The following CMIP variants were observed in gnomAD, a reference collection of about 807,000 sequenced individuals.
CMIP encodes the protein C-Maf-inducing protein.
Under a neutral mutation model 97.3 loss-of-function variants are expected in CMIP, and 13 were observed. The observed-to-expected ratio is 0.13, with a 90% CI of 0.09 to 0.21. The LOEUF is 0.21. Ranked by LOEUF, CMIP falls within the 10% of genes least tolerant of loss-of-function variation. The pLI is 1.00. For missense variants in CMIP, 847 were observed against 1,024.9 expected (o/e 0.83, Z 2.37); for synonymous variants, 538 against 436.3 (o/e 1.23, Z -2.91).
chr16:81,646,757 CT>C (rs1205206002), intron 3 of CMIP, among the ~76,000 whole-genome samples: 2 of 152,148 alleles, frequency 1.3e-5, no homozygotes, highest in Non-Finnish European at 2.9e-5. Flanking sequence ...GCTTCTTTCC[CT>C]TAGTGTAGTG....
chr16:81,503,864 C>T (rs1009799091), intron 1 of CMIP, among the ~76,000 whole-genome samples: 1 of 152,262 alleles, frequency 6.6e-6, no homozygotes, highest in Middle Eastern at 3.2e-3. Flanking sequence ...ACGTCATCAC[C>T]TGGGAACAGG....
chr16:81,493,315 T>TGCCTGTGCTCCG (rs2089434018), intron 1 of CMIP, among the ~76,000 whole-genome samples: 1 of 152,128 alleles, frequency 6.6e-6, no homozygotes, highest in Admixed American at 6.5e-5. Flanking sequence ...TGTGCCCAGG[T>TGCCTGTGCTCCG]GCACAGGCCG....
chr16:81,612,032 C>A (rs376330163), intron 2 of CMIP, among the ~76,000 whole-genome samples: 8 of 152,312 alleles, frequency 5.3e-5, no homozygotes, highest in African/African-American at 1.7e-4. Flanking sequence ...GCAGAAAGGG[C>A]CTGTTTATCC....
chr16:81,479,736 C>A (rs2150755060), intron 1 of CMIP, among the ~76,000 whole-genome samples: 1 of 152,288 alleles, frequency 6.6e-6, no homozygotes, highest in East Asian at 1.9e-4. Context: ...CTGTCTAGTT[C>A]CAAAACATCG....
chr16:81,615,120 GGTGT>G (rs761451662), intron 2 of CMIP, among the ~76,000 whole-genome samples: 3 of 150,396 alleles, frequency 2.0e-5, no homozygotes, highest in African/African-American at 2.5e-5. Context: ...ATGTGTCTGT[GGTGT>G]GTGTGTATGT....
intron 10 of CMIP, among the ~76,000 whole-genome samples, chr16:81,686,326 G>T (rs1351065149): frequency 6.6e-6 from 1 of 152,176 alleles, no homozygotes; most frequent in African/African-American, 2.4e-5. Flanking sequence ...GCATAAAGGG[G>T]TCTCCATGTC....
At chr16:81,671,599 T>C (rs1333694801) in intron 8 of CMIP, among the ~76,000 whole-genome samples, 1 of 152,238 alleles carries the variant, frequency 6.6e-6, no homozygotes, top group East Asian at 1.9e-4. Context: ...TAGGTCTCTC[T>C]GTGAATTAGA....
chr16:81,566,103 CTTCTGCCACTCTGTCTCGGA>C (rs1452874307), intron 1 of CMIP, among the ~76,000 whole-genome samples: 1 of 152,214 alleles, frequency 6.6e-6, no homozygotes, highest in Non-Finnish European at 1.5e-5. Flanking sequence ...ACAAGCGAGG[CTTCTGCCACTCTGTCTCGGA>C]CAGTCCAGGG....
intron 3 of CMIP, among the ~76,000 whole-genome samples, chr16:81,648,676 G>A (rs2092392812): frequency 6.6e-6 from 1 of 150,798 alleles, no homozygotes; most frequent in South Asian, 2.1e-4. Flanking sequence ...CCAGCTTCTT[G>A]GGAGGCTGAG....
intron 1 of CMIP, among the ~76,000 whole-genome samples, chr16:81,497,862 G>A (rs1347730424): frequency 3.3e-5 from 5 of 152,246 alleles, no homozygotes; most frequent in Non-Finnish European, 7.3e-5. Context: ...CCCGTGCAGC[G>A]TGGGCTCCTG....
intron 1 of CMIP, among the ~76,000 whole-genome samples, chr16:81,605,007 A>T (rs1158161343): frequency 6.6e-6 from 1 of 152,212 alleles, no homozygotes; most frequent in Non-Finnish European, 1.5e-5. Context: ...CACAGTATAT[A>T]AACAGTAGCA....
chr16:81,620,739 T>C, intron 2 of CMIP, 137 bp from the exon 3 acceptor site: 2 of 988,210 alleles, frequency 2.0e-6, no homozygotes, highest in Non-Finnish European at 3.0e-6. Context: ...TTAGCATATC[T>C]TTCAGCAGGC....
At chr16:81,521,417 G>A (rs374678687) in intron 1 of CMIP, among the ~76,000 whole-genome samples, 9 of 151,794 alleles carry the variant, frequency 5.9e-5, no homozygotes, top group Non-Finnish European at 1.0e-4. Context: ...CCCCGCTGTC[G>A]TTCTGCTCTG....
intron 1 of CMIP, chr16:81,476,307 A>C (rs966690739): frequency 2.6e-6 from 4 of 1,550,768 alleles, no homozygotes; most frequent in Admixed American, 3.3e-5. Context: ...CACCAGTGCC[A>C]TTACGGCGTG....
chr16:81,483,682 T>G (rs765109084), intron 1 of CMIP, among the ~76,000 whole-genome samples: 1 of 152,070 alleles, frequency 6.6e-6, no homozygotes, highest in Non-Finnish European at 1.5e-5. Context: ...CTGCCTGGAG[T>G]AGCAGCCTTG....
At chr16:81,661,391 G>A (rs960519961) in intron 6 of CMIP, among the ~76,000 whole-genome samples, 20 of 152,390 alleles carry the variant, frequency 1.3e-4, no homozygotes, top group South Asian at 4.1e-4. Flanking sequence ...CCGGGCACCC[G>A]GCGCCAGCCT....
chr16:81,640,947 C>A (rs1038462175), intron 3 of CMIP, among the ~76,000 whole-genome samples: 1 of 152,126 alleles, frequency 6.6e-6, no homozygotes, highest in Non-Finnish European at 1.5e-5. Context: ...CAGACACAGT[C>A]CAACCCACAA....
Position 81,528,816 on chromosome 16 carries a change from C to T in CMIP, c.301-78751C>T, listed in dbSNP as rs73594494. Among the ~76,000 whole-genome samples, 953 of 152,268 alleles carry T rather than the reference C, an allele frequency of 6.3e-3. 12 individuals are homozygous for T. Among genetic ancestry groups the T allele is most frequent in the African/African-American group, 0.022 (909 of 41,544 alleles). On this transcript the variant is annotated intron_variant, in intron 1 of 20. Transcript: ENST00000537098. ...ATGCCTGCTCGCCCTGCTTTACTGCCATCATCATCTATCTCCTTGCTTTCA... is the reference window on the plus strand; with the variant it reads ...ATGCCTGCTCGCCCTGCTTTACTGCTATCATCATCTATCTCCTTGCTTTCA...
At chr16:81,618,027 T>C (rs1348999991) in intron 2 of CMIP, among the ~76,000 whole-genome samples, 1 of 152,206 alleles carries the variant, frequency 6.6e-6, no homozygotes, top group Non-Finnish European at 1.5e-5. Flanking sequence ...CTGGGTCCAC[T>C]GTGGACCCTC....
Sources: allele counts gnomAD v4.1 joint callset (sites outside exome capture counted in the v4.1 genomes callset), GRCh38; gene constraint gnomAD v4.1.1; transcripts MANE v1.5; gene names NCBI Gene and HGNC (gene_info 2026-07-23, HGNC 2026-07-21).